The following CSMD1 variants were observed in gnomAD, a reference collection of about 807,000 sequenced individuals.
The protein encoded by CSMD1 is CUB and Sushi multiple domains 1.
A neutral mutation model predicts 417.5 loss-of-function variants in CSMD1; 213 were observed. The observed-to-expected ratio is 0.51, with a 90% CI of 0.46 to 0.57. The LOEUF (loss-of-function observed/expected upper bound fraction) is 0.57. Among genes scored for constraint, CSMD1 ranks in the 20% least tolerant of loss-of-function variants. CSMD1 has a pLI of 0.00. For synonymous variants in CSMD1, 2,862 were observed against 1,736.8 expected (o/e 1.65, Z -16.11); for missense variants, 6,923 against 4,529.7 (o/e 1.53, Z -15.17).
At chr8:4,833,517 AC>A in intron 1 of CSMD1, among the ~76,000 whole-genome samples, 1 of 152,290 alleles carries the variant, frequency 6.6e-6, no homozygotes, top group Middle Eastern at 3.4e-3. Context: ...ACAGAGCCAA[AC>A]CCTATCACCC....
chr8:4,126,372 A>G lies in CSMD1; in HGVS notation c.416-94273T>C, dbSNP rs189692037. The stretch of plus-strand genomic sequence containing the variant: ...CATGGTTACGAGACCTGTCTCAGCT[A>G]TTCAGCATTCACACCAGAATGGTGC... On this transcript the variant is annotated intron_variant, in intron 3 of 69. Coordinates refer to ENST00000635120, the MANE Select transcript of CSMD1 (RefSeq NM_033225.6). 2.6e-5 allele frequency among the ~76,000 whole-genome samples: 4 copies of G among 152,306 alleles called. No individual in the cohort carries two copies. In the East Asian group the frequency reaches 7.7e-4, roughly 29 times the overall value.
intron 1 of CSMD1, among the ~76,000 whole-genome samples, chr8:4,735,499 T>C (rs1810173556): frequency 6.6e-6 from 1 of 152,212 alleles, no homozygotes; most frequent in South Asian, 2.1e-4. Flanking sequence ...TTATGCAACA[T>C]TTTAATGCAA....
intron 1 of CSMD1, among the ~76,000 whole-genome samples, chr8:4,926,420 T>A (rs1057003911): frequency 1.3e-5 from 2 of 152,232 alleles, no homozygotes; most frequent in Non-Finnish European, 2.9e-5. Context: ...GGCCGTGTAA[T>A]TCTCTCACAC....
intron 5 of CSMD1, among the ~76,000 whole-genome samples, chr8:3,955,593 C>T (rs1194349863): frequency 6.6e-6 from 1 of 152,054 alleles, no homozygotes; most frequent in Admixed American, 6.5e-5. Context: ...TGCTACCTGC[C>T]CTGCTCCATT....
At chr8:3,155,006 A>G (rs978465454) in intron 39 of CSMD1, among the ~76,000 whole-genome samples, 1 of 152,166 alleles carries the variant, frequency 6.6e-6, no homozygotes, top group African/African-American at 2.4e-5. Flanking sequence ...CAATGAAAAA[A>G]CTTGTATACC....
At chr8:3,943,542 T>G (rs561484927) in intron 5 of CSMD1, among the ~76,000 whole-genome samples, 1 of 151,250 alleles carries the variant, frequency 6.6e-6, no homozygotes. Context: ...ATTCAAAGAA[T>G]CTCTCAAAAA....
intron 50 of CSMD1, among the ~76,000 whole-genome samples, chr8:3,046,803 G>C (rs922372632): frequency 6.6e-6 from 1 of 152,160 alleles, no homozygotes; most frequent in Non-Finnish European, 1.5e-5. Context: ...CAAATTCTTT[G>C]ATACCTCAAG....
chr8:4,617,141 C>G lies in CSMD1; in HGVS notation c.302+20201G>C, dbSNP rs559278701. Reference sequence around the variant, plus strand: ...TTTAAAATTCTTATGCCAACTAAGACAAGATGTATTTCTATTATCACTATC... The same window carrying G: ...TTTAAAATTCTTATGCCAACTAAGAGAAGATGTATTTCTATTATCACTATC... On this transcript the variant is annotated intron_variant, in intron 2 of 69. Coordinates refer to ENST00000635120, the MANE Select transcript of CSMD1 (RefSeq NM_033225.6). Among the ~76,000 whole-genome samples, 49 of 152,122 alleles carry G rather than the reference C, an allele frequency of 3.2e-4. 1 individual carries two copies. The highest frequency in any genetic ancestry group is 1.1e-3 in the African/African-American group (47 of 41,520).
At chr8:3,924,494 A>G (rs548515764) in intron 5 of CSMD1, among the ~76,000 whole-genome samples, 1 of 152,274 alleles carries the variant, frequency 6.6e-6, no homozygotes, top group East Asian at 1.9e-4. Context: ...TATGATACAT[A>G]TATTGATTCA....
chr8:4,423,403 C>G (rs1563157983), intron 2 of CSMD1, among the ~76,000 whole-genome samples: 1 of 151,752 alleles, frequency 6.6e-6, no homozygotes, highest in Non-Finnish European at 1.5e-5. Flanking sequence ...TATTGTAGTT[C>G]TACATACTAG....
At chr8:3,417,671 A>T (rs748668896) in intron 12 of CSMD1, among the ~76,000 whole-genome samples, 1 of 152,332 alleles carries the variant, frequency 6.6e-6, no homozygotes, top group Non-Finnish European at 1.5e-5. Flanking sequence ...AGTGAGTAAA[A>T]GCAACAGTTT....
chr8:3,673,118 T>C (rs1799166868), intron 7 of CSMD1, among the ~76,000 whole-genome samples: 1 of 152,208 alleles, frequency 6.6e-6, no homozygotes, highest in South Asian at 2.1e-4. Flanking sequence ...AATGAATCAA[T>C]TAATACAGAG....
chr8:4,258,645 C>T (rs190876979), intron 3 of CSMD1, among the ~76,000 whole-genome samples: 13 of 132,278 alleles, frequency 9.8e-5, no homozygotes, highest in African/African-American at 3.6e-4. Context: ...GCCCCACCTA[C>T]CCTCAGAACT....
rs1229404418 is a variant in CSMD1, at chr8:3,568,075, T to C, written c.1344+6870A>G. Among the ~76,000 whole-genome samples the C allele has an allele frequency of 1.3e-5, 2 of 152,158 alleles. 1 individual carries two copies. Among genetic ancestry groups the C allele is most frequent in the Admixed American group, 1.3e-4 (2 of 15,280 alleles). ...CTTCAGAGTATTGATTTACTTAATA[T>C]GTTTAAAAATAATTTTATAATTTCC... On this transcript the variant is annotated intron_variant, in intron 10 of 69. Transcript: ENST00000635120.
intron 5 of CSMD1, among the ~76,000 whole-genome samples, chr8:3,877,106 G>A (rs771377797): frequency 1.3e-5 from 2 of 152,160 alleles, no homozygotes; most frequent in East Asian, 1.9e-4. Flanking sequence ...CTGAAGTAGT[G>A]CAACTCCTCG....
intron 5 of CSMD1, among the ~76,000 whole-genome samples, chr8:3,966,351 C>T (rs969910757): frequency 2.6e-5 from 4 of 152,050 alleles, no homozygotes; most frequent in Non-Finnish European, 4.4e-5. Flanking sequence ...CATTCACTCT[C>T]CCAAATTTAT....
At chr8:3,012,245 AG>A (rs775869249) in intron 52 of CSMD1, among the ~76,000 whole-genome samples, 1 of 152,254 alleles carries the variant, frequency 6.6e-6, no homozygotes, top group Non-Finnish European at 1.5e-5. Context: ...AATCCAGACC[AG>A]GGACCTAAAA....
intron 2 of CSMD1, among the ~76,000 whole-genome samples, chr8:4,446,755 CTGTGTGTG>C (rs58002310): frequency 0.092 from 12,260 of 132,764 alleles, 555 homozygotes; most frequent in South Asian, 0.16. Context: ...GTGTGTGTGT[CTGTGTGTG>C]TGTGTGTGTG....
At position 4,362,515 on chromosome 8, in the gene CSMD1, G is replaced by T. The variant is rs548695194; in HGVS notation, c.415+57438C>A. On this transcript the variant is annotated intron_variant, in intron 3 of 69. Coordinates refer to ENST00000635120, the MANE Select transcript of CSMD1 (RefSeq NM_033225.6). ...TCTTCCTCATTTGTCTGCTTAATTT[G>T]TGCAATAGATAGAACAGGATCTTTA... Among the ~76,000 whole-genome samples, 12 of 152,302 alleles carry T rather than the reference G, an allele frequency of 7.9e-5. No individual in the cohort carries two copies. In the South Asian group the frequency reaches 2.3e-3, roughly 29 times the overall value.
Sources: gnomAD v4.1 joint callset for allele counts (sites outside exome capture counted in the v4.1 genomes callset) on GRCh38, gnomAD v4.1.1 for gene constraint, MANE v1.5 for transcripts, NCBI Gene and HGNC (gene_info 2026-07-23, HGNC 2026-07-21) for gene names.